The following CNTN5 variants were observed in gnomAD, a reference collection of about 807,000 sequenced individuals.
CNTN5 encodes the protein contactin-5.
Under a neutral mutation model 129.1 loss-of-function variants are expected in CNTN5, and 77 were observed. The observed-to-expected ratio is 0.60, with a 90% CI of 0.50 to 0.72. The LOEUF (loss-of-function observed/expected upper bound fraction) is 0.72. Among genes scored for constraint, CNTN5 ranks in the 30% least tolerant of loss-of-function variants. The pLI is 0.00. For missense variants in CNTN5, 1,478 were observed against 1,328.8 expected (o/e 1.11, Z -1.75); for synonymous variants, 509 against 465.6 (o/e 1.09, Z -1.20).
intron 15 of CNTN5, among the ~76,000 whole-genome samples, chr11:100,211,563 T>C (rs749200055): frequency 6.6e-6 from 1 of 152,120 alleles, no homozygotes; most frequent in Non-Finnish European, 1.5e-5. Flanking sequence ...AAGTTCTAAA[T>C]AGCCATCTGT....
intron 3 of CNTN5, among the ~76,000 whole-genome samples, chr11:99,745,656 A>T (rs1944031383): frequency 6.6e-6 from 1 of 152,228 alleles, no homozygotes; most frequent in Non-Finnish European, 1.5e-5. Flanking sequence ...AGGGGCCAGC[A>T]ACATAAATTT....
At chr11:99,990,067 T>C (rs546855252) in intron 8 of CNTN5, among the ~76,000 whole-genome samples, 9 of 152,312 alleles carry the variant, frequency 5.9e-5, no homozygotes, top group Admixed American at 3.3e-4. Flanking sequence ...ACCTGGTCTC[T>C]AACATATTTC....
At chr11:100,045,126 T>TC (rs1453346061) in intron 9 of CNTN5, among the ~76,000 whole-genome samples, 4 of 152,000 alleles carry the variant, frequency 2.6e-5, no homozygotes, top group Admixed American at 2.0e-4. Context: ...ACTTTTTTTT[T>TC]TCTATTCATT....
chr11:99,295,744 C>T (rs991221611), intron 1 of CNTN5, among the ~76,000 whole-genome samples: 20 of 151,660 alleles, frequency 1.3e-4, no homozygotes, highest in African/African-American at 4.6e-4. Context: ...GGCGCGGTGG[C>T]GGGCGCCTGT....
intron 1 of CNTN5, among the ~76,000 whole-genome samples, chr11:99,142,323 G>A (rs1037287392): frequency 1.1e-3 from 130 of 116,120 alleles, no homozygotes; most frequent in Admixed American, 2.5e-3. Flanking sequence ...CGAGGTCTGT[G>A]TGTGCTTATG....
At chr11:99,427,701 A>T (rs931988347) in intron 2 of CNTN5, among the ~76,000 whole-genome samples, 1 of 145,234 alleles carries the variant, frequency 6.9e-6, no homozygotes, top group Admixed American at 7.0e-5. Flanking sequence ...GGGAGGCAGA[A>T]GTTGCAGTGA....
At chr11:99,530,753 G>T (rs1947669701) in intron 2 of CNTN5, among the ~76,000 whole-genome samples, 1 of 152,130 alleles carries the variant, frequency 6.6e-6, no homozygotes. Context: ...GATCTGATAG[G>T]TTTATCAGGT....
At chr11:99,077,446 A>G (rs1201090649) in intron 1 of CNTN5, among the ~76,000 whole-genome samples, 1 of 152,208 alleles carries the variant, frequency 6.6e-6, no homozygotes, top group East Asian at 1.9e-4. Context: ...GATTCTGGAT[A>G]CAGTTTGTAT....
chr11:99,647,758 T>C (rs939396221), intron 3 of CNTN5, among the ~76,000 whole-genome samples: 11 of 151,808 alleles, frequency 7.2e-5, no homozygotes, highest in African/African-American at 2.7e-4. Context: ...ACCTTTTACC[T>C]CCATCATTAA....
chr11:99,782,794 G>C (rs1345965315), intron 3 of CNTN5, among the ~76,000 whole-genome samples: 1 of 151,846 alleles, frequency 6.6e-6, no homozygotes, highest in Non-Finnish European at 1.5e-5. Flanking sequence ...GCTGAAACTG[G>C]ATCCCTTCCT....
intron 1 of CNTN5, among the ~76,000 whole-genome samples, chr11:99,121,890 A>G (rs1395500645): frequency 2.0e-5 from 3 of 151,336 alleles, no homozygotes; most frequent in Admixed American, 2.0e-4. Flanking sequence ...AGTAATTTTG[A>G]ATTTCTTTTT....
rs549873954 is a variant in CNTN5, at chr11:100,239,360, T to C, written c.2005+14548T>C. Among the ~76,000 whole-genome samples, 19 of 152,274 alleles carry C rather than the reference T, an allele frequency of 1.2e-4. No individual in the cohort carries two copies. The South Asian group carries it at 3.9e-3, about 32-fold the overall frequency. On this transcript the variant is annotated intron_variant, in intron 16 of 24. Coordinates refer to ENST00000524871, the MANE Select transcript of CNTN5 (RefSeq NM_014361.4). ...TAGACCACGTCATATTTAGAGGTCA[T>C]AGTTCAAGGGTACTGCTTTCATATC...
At chr11:99,246,345 G>C (rs1861816080) in intron 1 of CNTN5, among the ~76,000 whole-genome samples, 1 of 152,160 alleles carries the variant, frequency 6.6e-6, no homozygotes, top group South Asian at 2.1e-4. Flanking sequence ...AGGCAGTGCA[G>C]GCAATGACTG....
chr11:99,915,923 C>T, intron 6 of CNTN5, 131 bp from the exon 7 acceptor site: 2 of 668,980 alleles, frequency 3.0e-6, no homozygotes, highest in East Asian at 2.7e-5. Flanking sequence ...ATGTTAAAGC[C>T]TTCTTGTCAC....
In CNTN5 at chr11:100,110,144, G is replaced by A. The variant is rs542735045; in HGVS notation, c.1580+35850G>A. On this transcript the variant is annotated intron_variant, in intron 13 of 24. Transcript: ENST00000524871. ...GGAGGTTGCAGTGAGCAGAGATGGCGCCACTGTACTCCATCCTGGGTGACA... is the reference window on the plus strand; with the variant it reads ...GGAGGTTGCAGTGAGCAGAGATGGCACCACTGTACTCCATCCTGGGTGACA... 1.5e-3 allele frequency among the ~76,000 whole-genome samples: 220 copies of A among 149,650 alleles called. 2 individuals carry two copies. Among genetic ancestry groups the A allele is most frequent in the African/African-American group, 5.3e-3 (214 of 40,498 alleles).
chr11:100,256,349 G>C (rs1210367352), intron 17 of CNTN5, among the ~76,000 whole-genome samples: 1 of 152,136 alleles, frequency 6.6e-6, no homozygotes, highest in Non-Finnish European at 1.5e-5. Flanking sequence ...AATTGTTTTA[G>C]TGTGTACTTA....
intron 13 of CNTN5, among the ~76,000 whole-genome samples, chr11:100,157,586 A>G (rs1010181358): frequency 2.0e-5 from 3 of 151,820 alleles, no homozygotes; most frequent in African/African-American, 7.2e-5. Context: ...GTGGAGCTTG[A>G]TAAGCAAATT....
chr11:99,100,760 A>G (rs1204542167), intron 1 of CNTN5, among the ~76,000 whole-genome samples: 1 of 152,186 alleles, frequency 6.6e-6, no homozygotes, highest in Non-Finnish European at 1.5e-5. Context: ...AAAGTGTACA[A>G]TAAAATATTA....
intron 13 of CNTN5, among the ~76,000 whole-genome samples, chr11:100,135,841 A>G (rs937961908): frequency 1.3e-5 from 2 of 151,912 alleles, no homozygotes; most frequent in South Asian, 2.1e-4. Flanking sequence ...TCTTGTTTCT[A>G]TTTGGTTTCA....
Sources: allele counts gnomAD v4.1 joint callset (sites outside exome capture counted in the v4.1 genomes callset), GRCh38; gene constraint gnomAD v4.1.1; transcripts MANE v1.5; gene names NCBI Gene and HGNC (gene_info 2026-07-23, HGNC 2026-07-21).